The following ZMYM4 variants were observed in gnomAD, a reference collection of about 807,000 sequenced individuals.
ZMYM4 encodes the protein zinc finger MYM-type protein 4.
A neutral mutation model predicts 183.2 loss-of-function variants in ZMYM4; 31 were observed. The ratio of observed to expected loss-of-function variants is 0.17; its 90% CI spans 0.13 to 0.23. The LOEUF is 0.23. Among genes scored for constraint, ZMYM4 ranks in the 10% least tolerant of loss-of-function variants. The probability of loss-of-function intolerance (pLI) is 1.00; values close to 1 mark genes in which losing one functional copy is unlikely to be tolerated. For missense variants in ZMYM4, 1,273 were observed against 1,840.3 expected (o/e 0.69, Z 5.64); for synonymous variants, 592 against 631.2 (o/e 0.94, Z 0.93).
chr1:35,402,660 A>T lies in ZMYM4; in HGVS notation c.3529-2363A>T, dbSNP rs138759673. ...AATTTCATTTTTCGTGTTCCTTACT[A>T]GTATATAGAAATATAGATAATTTTT... is the stretch of plus-strand genomic sequence containing the variant. On this transcript the variant is annotated intron_variant, in intron 23 of 29. Transcript: ENST00000314607. Among the ~76,000 whole-genome samples, 5 of 152,268 alleles carry T rather than the reference A, an allele frequency of 3.3e-5. No homozygotes were observed. The East Asian group carries it at 7.7e-4, about 23-fold the overall frequency.
chr1:35,370,163 A>T, intron 6 of ZMYM4, 50 bp downstream of exon 6: 1 of 1,586,152 alleles, frequency 6.3e-7, no homozygotes, highest in South Asian at 1.1e-5. Context: ...GACCAATATG[A>T]ATGAGAAGAA....
chr1:35,296,306 T>C (rs1212235045), intron 1 of ZMYM4, among the ~76,000 whole-genome samples: 2 of 152,142 alleles, frequency 1.3e-5, no homozygotes, highest in Non-Finnish European at 2.9e-5. Flanking sequence ...TTATTAAATA[T>C]AGACTATTGT....
At chr1:35,409,479 G>A (rs1230776378) in intron 26 of ZMYM4, among the ~76,000 whole-genome samples, 2 of 151,852 alleles carry the variant, frequency 1.3e-5, no homozygotes, top group Non-Finnish European at 2.9e-5. Context: ...CATCCTGGTG[G>A]GTATGAAATG....
intron 23 of ZMYM4, among the ~76,000 whole-genome samples, chr1:35,402,743 T>A (rs1644933121): frequency 6.6e-6 from 1 of 152,236 alleles, no homozygotes; most frequent in Admixed American, 6.5e-5. Context: ...TTTTCATGTA[T>A]TTACTTTGTG....
chr1:35,311,406 G>A (rs1166664387), intron 1 of ZMYM4, among the ~76,000 whole-genome samples: 1 of 140,572 alleles, frequency 7.1e-6, no homozygotes, highest in African/African-American at 2.7e-5. Context: ...TCGGCAACAA[G>A]AGCAAAACTC....
chr1:35,354,629 A>C (rs1047816493), intron 2 of ZMYM4, among the ~76,000 whole-genome samples: 1 of 147,404 alleles, frequency 6.8e-6, no homozygotes, highest in Non-Finnish European at 1.5e-5. Context: ...CAGGAGGCTG[A>C]GGCAGGAGAA....
intron 18 of ZMYM4, among the ~76,000 whole-genome samples, chr1:35,394,183 T>C (rs1374398811): frequency 7.2e-6 from 1 of 138,462 alleles, no homozygotes; most frequent in Non-Finnish European, 1.6e-5. Context: ...TTTTTTTTTT[T>C]TTTTTTTTTA....
intron 2 of ZMYM4, among the ~76,000 whole-genome samples, chr1:35,344,107 G>T (rs1008235018): frequency 1.4e-4 from 21 of 150,570 alleles, no homozygotes; most frequent in Non-Finnish European, 3.0e-5. Flanking sequence ...AGGCTGGAGT[G>T]CAGTGGCGCT....
chr1:35,395,135 G>A (rs2149000182), intron 18 of ZMYM4, among the ~76,000 whole-genome samples: 1 of 151,378 alleles, frequency 6.6e-6, no homozygotes, highest in East Asian at 1.9e-4. Context: ...AAGCTCCCAG[G>A]TAAAGTCAGT....
chr1:35,362,032 C>T (rs1429559199), intron 5 of ZMYM4, among the ~76,000 whole-genome samples: 3 of 152,256 alleles, frequency 2.0e-5, no homozygotes, highest in South Asian at 2.1e-4. Flanking sequence ...TTTTGCAATG[C>T]ATTTTAGCGC....
At chr1:35,333,778 T>C (rs1484123519) in intron 2 of ZMYM4, among the ~76,000 whole-genome samples, 1 of 152,132 alleles carries the variant, frequency 6.6e-6, no homozygotes, top group Non-Finnish European at 1.5e-5. Context: ...TGGGATCATA[T>C]ACATACTTTT....
intron 2 of ZMYM4, chr1:35,351,122 T>C: frequency 1.0e-6 from 1 of 961,926 alleles, no homozygotes; most frequent in East Asian, 2.4e-5. Flanking sequence ...TGGAAGGCAA[T>C]CTTGGTCAGC....
chr1:35,278,234 A>C (rs186345856), intron 1 of ZMYM4, among the ~76,000 whole-genome samples: 1 of 145,814 alleles, frequency 6.9e-6, no homozygotes, highest in South Asian at 2.2e-4. Flanking sequence ...GATCCTTACC[A>C]TAATTACCTC....
rs955485803 is a variant in ZMYM4, at chr1:35,397,517, T to C, written c.3171T>C (p.Asp1057=). 3 of 1,612,922 alleles carry C rather than the reference T, an allele frequency of 1.9e-6. No individual in the cohort carries two copies. Among genetic ancestry groups the C allele is most frequent in the Non-Finnish European group, 8.5e-7 (1 of 1,179,458 alleles). ...AGATGGCAGAAATGATTGCAGAAGA[T>C]GAAGAGAAGAAGACTCTATCTCAGG... The part of the protein sequence containing the change: ...LLEMAEMIAE[D]EEKKTLSQGE... The change falls in exon 20 of 30, where the codon GAT becomes GAC. Residue 1057 remains aspartate (D), a synonymous_variant. Coordinates refer to ENST00000314607, the MANE Select transcript of ZMYM4 (RefSeq NM_005095.3).
chr1:35,308,363 A>G (rs1460469564), intron 1 of ZMYM4, among the ~76,000 whole-genome samples: 1 of 152,222 alleles, frequency 6.6e-6, no homozygotes, highest in Non-Finnish European at 1.5e-5. Context: ...GTCCCACACA[A>G]ATGAAATGCA....
In ZMYM4 at chr1:35,314,314, T is replaced by G. The variant is rs1247586687; in HGVS notation, c.40-11046T>G. Among the ~76,000 whole-genome samples, 89 of 152,086 alleles carry G rather than the reference T, an allele frequency of 5.9e-4. 3 individuals are homozygous for G. Among genetic ancestry groups the G allele is most frequent in the Admixed American group, 5.8e-3 (88 of 15,262 alleles). On this transcript the variant is annotated intron_variant, in intron 1 of 29. Transcript: ENST00000314607. The stretch of plus-strand genomic sequence containing the variant: ...ACTCTTTTTTTTTTGAGACGGAGTC[T>G]TGCTCTGTCTCCCAGGCTGGAGTGC...
At chr1:35,311,440 AG>A (rs1362732646) in intron 1 of ZMYM4, among the ~76,000 whole-genome samples, 4 of 151,296 alleles carry the variant, frequency 2.6e-5, no homozygotes, top group Non-Finnish European at 5.9e-5. Flanking sequence ...AAAAAAAAAA[AG>A]TCATAAATGA....
intron 1 of ZMYM4, among the ~76,000 whole-genome samples, chr1:35,324,514 T>G (rs1642423507): frequency 6.6e-6 from 1 of 152,256 alleles, no homozygotes. Flanking sequence ...TTTTATTTTC[T>G]CTTCATATTT....
intron 1 of ZMYM4, among the ~76,000 whole-genome samples, chr1:35,306,422 G>C (rs1024073612): frequency 6.6e-6 from 1 of 152,032 alleles, no homozygotes; most frequent in Non-Finnish European, 1.5e-5. Context: ...ATGATCCATT[G>C]TTACCAGTAT....
Sources: allele counts gnomAD v4.1 joint callset (sites outside exome capture counted in the v4.1 genomes callset), GRCh38; gene constraint gnomAD v4.1.1; transcripts MANE v1.5; gene names NCBI Gene and HGNC (gene_info 2026-07-23, HGNC 2026-07-21).